The following C12orf42 variants were observed in gnomAD, a reference collection of about 807,000 sequenced individuals.
C12orf42 encodes uncharacterized protein C12orf42.
A neutral mutation model predicts 21.6 loss-of-function variants in C12orf42; 25 were observed. The observed-to-expected ratio is 1.16, with a 90% CI of 0.84 to 1.62. The LOEUF (loss-of-function observed/expected upper bound fraction) is 1.62, where lower values mean the gene tolerates loss of function less well. Ranked by LOEUF, C12orf42 falls within the 40% of genes most tolerant of loss-of-function variation. The probability of loss-of-function intolerance (pLI) is 0.00; values close to 1 mark genes in which losing one functional copy is unlikely to be tolerated. For missense variants in C12orf42, 483 were observed against 459.3 expected, an observed-to-expected ratio of 1.05 and a Z score of -0.47; for synonymous variants, 174 against 175.0, an observed-to-expected ratio of 0.99 and a Z score of 0.05.
At chr12:103,173,485 C>T in the C12orf42 span, among the ~76,000 whole-genome samples, 3 of 152,064 alleles carry the variant, frequency 2.0e-5, no homozygotes, top group South Asian at 2.1e-4. Context: ...TCTAAAAGCC[C>T]CTGCCTGCAG....
chr12:103,554,633 C>T, the C12orf42 span, among the ~76,000 whole-genome samples: 1 of 151,674 alleles, frequency 6.6e-6, no homozygotes, highest in Admixed American at 6.6e-5. Flanking sequence ...CAGGCTTCTG[C>T]TTCTGAAGAG....
the C12orf42 span, among the ~76,000 whole-genome samples, chr12:103,104,170 T>C: frequency 1.3e-5 from 2 of 152,316 alleles, no homozygotes; most frequent in African/African-American, 4.8e-5. Context: ...TAAGTAAGAT[T>C]ACCTGTGAGC....
chr12:103,141,514 C>T, the C12orf42 span, among the ~76,000 whole-genome samples: 25 of 145,804 alleles, frequency 1.7e-4, 1 homozygote, highest in Non-Finnish European at 3.3e-4. Flanking sequence ...GATAAAGGAT[C>T]GATAAATAAT....
chr12:103,179,541 A>G, the C12orf42 span, among the ~76,000 whole-genome samples: 1 of 152,216 alleles, frequency 6.6e-6, no homozygotes, highest in Non-Finnish European at 1.5e-5. Flanking sequence ...AAAATGTGAG[A>G]ACAGAAAAAG....
the C12orf42 span, among the ~76,000 whole-genome samples, chr12:103,198,780 G>C: frequency 6.6e-6 from 1 of 152,044 alleles, no homozygotes. Flanking sequence ...TCCCATGCAG[G>C]GTTCCTAGCT....
intron 5 of C12orf42, among the ~76,000 whole-genome samples, chr12:103,272,424 A>G (rs886856329): frequency 3.3e-5 from 5 of 152,102 alleles, no homozygotes; most frequent in Admixed American, 2.6e-4. Context: ...CCACAAAACA[A>G]TTTCATCCTT....
chr12:103,070,368 C>T, the C12orf42 span, among the ~76,000 whole-genome samples: 1 of 152,062 alleles, frequency 6.6e-6, no homozygotes, highest in African/African-American at 2.4e-5. Flanking sequence ...GTGCCTCACC[C>T]ACCCTGCAAT....
intron 4 of C12orf42, among the ~76,000 whole-genome samples, chr12:103,309,587 G>A (rs1252080988): frequency 6.6e-6 from 1 of 151,852 alleles, no homozygotes; most frequent in Non-Finnish European, 1.5e-5. Context: ...CTTGTTCAAA[G>A]GTCAATCGTA....
chr12:103,156,213 G>T, the C12orf42 span: 1 of 152,230 alleles, frequency 6.6e-6, no homozygotes, highest in East Asian at 1.9e-4. Flanking sequence ...AAAAATGTAA[G>T]TTGTTCCACC....
At chr12:103,548,929 T>C in the C12orf42 span, 1 of 152,166 alleles carries the variant, frequency 6.6e-6, no homozygotes, top group Non-Finnish European at 1.5e-5. Context: ...ACAAAGTCAC[T>C]TCCTGCTACA....
At chr12:103,264,137 A>C (rs1358742804), downstream of C12orf42, among the ~76,000 whole-genome samples, 1 of 152,064 alleles carries the variant, frequency 6.6e-6, no homozygotes, top group Non-Finnish European at 1.5e-5. Flanking sequence ...CATTGTCAGC[A>C]TCCAACCTGA....
the C12orf42 span, among the ~76,000 whole-genome samples, chr12:103,076,283 C>A: frequency 7.3e-5 from 11 of 150,996 alleles, no homozygotes; most frequent in East Asian, 1.2e-3. Context: ...GCATGATTAC[C>A]CAAGCCTTTT....
chr12:103,073,882 C>T, the C12orf42 span, among the ~76,000 whole-genome samples: 1 of 152,024 alleles, frequency 6.6e-6, no homozygotes, highest in African/African-American at 2.4e-5. Context: ...TTACTCATGC[C>T]TATTTTAAGA....
At chr12:103,057,035 A>G in the C12orf42 span, among the ~76,000 whole-genome samples, 1 of 152,134 alleles carries the variant, frequency 6.6e-6, no homozygotes, top group Non-Finnish European at 1.5e-5. Flanking sequence ...TGAGGTCCTC[A>G]TGGTTGGTGG....
At chr12:103,216,465 G>C in the C12orf42 span, among the ~76,000 whole-genome samples, 8 of 151,766 alleles carry the variant, frequency 5.3e-5, no homozygotes, top group South Asian at 1.5e-3. Flanking sequence ...CCACCTCCCG[G>C]GTTCACGCCA....
At chr12:103,464,330 T>G (rs909891909) in intron 2 of C12orf42, among the ~76,000 whole-genome samples, 1 of 152,210 alleles carries the variant, frequency 6.6e-6, no homozygotes, top group African/African-American at 2.4e-5. Context: ...ATCAGTGATA[T>G]TGAGCTTTTT....
In C12orf42 at chr12:103,317,329, C is replaced by T. The variant is rs1471025914; in HGVS notation, c.260-10984G>A. On this transcript the variant is annotated intron_variant, in intron 4 of 5. Coordinates refer to ENST00000548883, the MANE Select transcript of C12orf42 (RefSeq NM_198521.5). ...AGTAAAGGGACACATGGGTCAGCCT[C>T]TCATCATGCAACAGAAGATAACTGC... is the stretch of plus-strand genomic sequence containing the variant. Among the ~76,000 whole-genome samples, 4 of 152,324 alleles carry T rather than the reference C, an allele frequency of 2.6e-5. No homozygotes were observed. The East Asian group carries it at 7.7e-4, about 29-fold the overall frequency.
intron 4 of C12orf42, among the ~76,000 whole-genome samples, chr12:103,364,415 A>G (rs930615622): frequency 1.3e-5 from 2 of 152,064 alleles, no homozygotes; most frequent in African/African-American, 4.8e-5. Context: ...TAGACAATCT[A>G]AGGTCACACC....
the C12orf42 span, among the ~76,000 whole-genome samples, chr12:103,145,970 A>G: frequency 6.0e-5 from 9 of 149,350 alleles, no homozygotes; most frequent in East Asian, 9.9e-4. Context: ...GAGAGAGAGA[A>G]AGAGAGAAAG....
Sources: gnomAD v4.1 joint callset for allele counts (sites outside exome capture counted in the v4.1 genomes callset) on GRCh38, gnomAD v4.1.1 for gene constraint, MANE v1.5 for transcripts, NCBI Gene and HGNC (gene_info 2026-07-23, HGNC 2026-07-21) for gene names.